The following CEBPZ variants were observed in gnomAD, a reference collection of about 807,000 sequenced individuals.
CEBPZ encodes CCAAT/enhancer-binding protein zeta.
In CEBPZ, 78 loss-of-function variants were observed where a neutral mutation model predicts 104.5. That is an observed-to-expected ratio of 0.75 (90% CI 0.62 to 0.90). The LOEUF (loss-of-function observed/expected upper bound fraction) is 0.90. CEBPZ is among the 40% of genes least tolerant of loss of function. The pLI is 0.00. For synonymous variants in CEBPZ, 470 were observed against 427.0 expected (o/e 1.10, Z -1.24); for missense variants, 1,439 against 1,233.5 (o/e 1.17, Z -2.50).
At chr2:37,224,242 C>T (rs1267736318) in intron 2 of CEBPZ, among the ~76,000 whole-genome samples, 1 of 152,192 alleles carries the variant, frequency 6.6e-6, no homozygotes, top group African/African-American at 2.4e-5. Flanking sequence ...CTGTAGGCTG[C>T]TCTACTTTGA....
chr2:37,216,354 C>T lies in CEBPZ; in HGVS notation c.2273G>A (p.Arg758Gln), dbSNP rs552370367. The T allele has an allele frequency of 1.9e-6, 3 of 1,613,758 alleles. No homozygotes were observed. The highest frequency in any genetic ancestry group is 1.3e-5 in the African/African-American group (1 of 75,000). ...GGGCTTTGGATTTCGGTATACAAAT[C>T]GATCCAAAAATCTCATTAGAGTGAA... ...QDFTLMRFLD[R>Q]FVYRNPKPHK... The change falls in exon 7 of 16, where the codon CGA becomes CAA. Residue 758 changes from arginine to glutamine, a missense_variant. Transcript: ENST00000234170.
chr2:37,210,717 G>A, intron 13 of CEBPZ: 1 of 304,950 alleles, frequency 3.3e-6, no homozygotes, highest in Non-Finnish European at 6.2e-6. Context: ...CACTACTAAA[G>A]AACTTACCTA....
At chr2:37,219,100 C>A (rs534015628) in intron 5 of CEBPZ, among the ~76,000 whole-genome samples, 1 of 152,238 alleles carries the variant, frequency 6.6e-6, no homozygotes, top group South Asian at 2.1e-4. Flanking sequence ...AATTTTATTG[C>A]TGACAACAAA....
chr2:37,217,376 G>A (rs1389120462), intron 5 of CEBPZ, among the ~76,000 whole-genome samples: 1 of 151,944 alleles, frequency 6.6e-6, no homozygotes, highest in African/African-American at 2.4e-5. Flanking sequence ...ACTCCAGCCT[G>A]GGTGACAGAG....
chr2:37,201,663 A>G lies in CEBPZ; in HGVS notation c.*101T>C, dbSNP rs1250810118. The G allele has an allele frequency of 6.5e-6, 5 of 771,602 alleles. No individual in the cohort carries two copies. The highest frequency in any genetic ancestry group is 6.0e-5 in the South Asian group (4 of 66,976). The allele number at this position is 771,602 out of a possible 1,614,324, so 47.8% of individuals were successfully genotyped here. ...ATAGTTTATTACAAATCCACTGAGAAGTCTGGAATGTATGGAATCAGAGAG... is the reference window on the plus strand; with the variant it reads ...ATAGTTTATTACAAATCCACTGAGAGGTCTGGAATGTATGGAATCAGAGAG... On this transcript the variant is annotated 3_prime_UTR_variant, in exon 16 of 16. Coordinates refer to ENST00000234170, the MANE Select transcript of CEBPZ (RefSeq NM_005760.3).
chr2:37,215,825 G>A (rs1677853367), intron 8 of CEBPZ, among the ~76,000 whole-genome samples: 2 of 152,100 alleles, frequency 1.3e-5, no homozygotes, highest in Admixed American at 6.6e-5. Context: ...ATACATAGGG[G>A]TTGTGGATGA....
intron 13 of CEBPZ, chr2:37,204,638 A>T (rs1677466114): frequency 6.6e-6 from 1 of 152,076 alleles, no homozygotes; most frequent in African/African-American, 2.4e-5. Flanking sequence ...AAGTTTCTAT[A>T]AGGTATGTTT....
intron 2 of CEBPZ, among the ~76,000 whole-genome samples, chr2:37,223,804 T>TTG (rs1664822559): frequency 3.3e-5 from 5 of 152,196 alleles, no homozygotes; most frequent in African/African-American, 1.2e-4. Context: ...CTTGTATAAC[T>TTG]ACCTACTAGC....
chr2:37,220,302 G>A (rs1452675624), intron 5 of CEBPZ, 83 bp downstream of exon 5: 2 of 352,702 alleles, frequency 5.7e-6, no homozygotes, highest in Non-Finnish European at 9.4e-6. Context: ...GGTGACAGAG[G>A]AAGACTCTGT....
chr2:37,212,107 C>G lies in CEBPZ; in HGVS notation c.2604-68G>C, dbSNP rs1032682181. On this transcript the variant is annotated intron_variant, in intron 11 of 15. Coordinates refer to ENST00000234170, the MANE Select transcript of CEBPZ (RefSeq NM_005760.3). ...TTCTAAAGTAGTGTTTTGCTGACTA[C>G]TAGGGCAGTAGGCTATTAAATGACT... 3.7e-6 allele frequency: 5 copies of G among 1,348,972 alleles called. No homozygotes were observed. In the African/African-American group the frequency reaches 7.3e-5, roughly 20 times the overall value. 83.6% of individuals were successfully genotyped at this position (1,348,972 alleles called of 1,614,324 possible).
chr2:37,204,863 T>C (rs549508361), intron 13 of CEBPZ: 11 of 152,206 alleles, frequency 7.2e-5, no homozygotes, highest in Admixed American at 1.3e-4. Flanking sequence ...TACTTTACTA[T>C]TTGAAACAAG....
chr2:37,218,455 T>C (rs1015330265), intron 5 of CEBPZ, among the ~76,000 whole-genome samples: 4 of 152,218 alleles, frequency 2.6e-5, no homozygotes, highest in Admixed American at 6.5e-5. Context: ...TAGAAAATAG[T>C]CTTTCACATA....
chr2:37,224,410 T>G (rs1664836209), intron 2 of CEBPZ, among the ~76,000 whole-genome samples: 1 of 152,226 alleles, frequency 6.6e-6, no homozygotes, highest in South Asian at 2.1e-4. Context: ...GTTTTAAGCA[T>G]TTCCATTAAT....
At chr2:37,213,263 G>C (rs2148350779) in intron 10 of CEBPZ, among the ~76,000 whole-genome samples, 2 of 152,184 alleles carry the variant, frequency 1.3e-5, no homozygotes, top group East Asian at 3.9e-4. Flanking sequence ...TAGTAAAAAG[G>C]ATTTCTTTTT....
chr2:37,213,854 A>C lies in CEBPZ; in HGVS notation c.2545+10T>G. 1 of 1,576,746 alleles carries C rather than the reference A, an allele frequency of 6.3e-7. No individual in the cohort carries two copies. Among genetic ancestry groups the C allele is most frequent in the Non-Finnish European group, 8.7e-7 (1 of 1,151,076 alleles). On this transcript the variant is annotated intron_variant, in intron 10 of 15. Transcript: ENST00000234170. Reference sequence around the variant, plus strand: ...AGATTATTTTACAAAGAGTCAACAAAACAAATTACCAATCAGCTCTTCAAA... The same window carrying C: ...AGATTATTTTACAAAGAGTCAACAACACAAATTACCAATCAGCTCTTCAAA...
intron 13 of CEBPZ, 197 bp from the exon 14 acceptor site, chr2:37,203,205 C>T (rs1349671274): frequency 9.9e-6 from 4 of 402,814 alleles, no homozygotes; most frequent in East Asian, 8.1e-5. Flanking sequence ...TAACAACATC[C>T]TAATAGAACT....
In CEBPZ at chr2:37,201,812, T is replaced by C. The variant is rs774084681; in HGVS notation, c.3117A>G (p.Lys1039=). ...TTTGAGTGGTTTTAATCCTCTTCTT[T>C]TTAAAATGTTTCTTTTTCTTGATGA... ...KSIIKKKKHF[K]KKRIKTTQKT... The change falls in exon 16 of 16, where the codon AAA becomes AAG. Residue 1039 remains lysine (K), a synonymous_variant. Transcript: ENST00000234170. 3 of 1,588,472 alleles carry C rather than the reference T, an allele frequency of 1.9e-6. No individual in the cohort carries two copies. The East Asian group carries it at 6.7e-5, about 35-fold the overall frequency.
In CEBPZ at chr2:37,231,518, C is replaced by A. The variant is rs759779786; in HGVS notation, c.50G>T (p.Arg17Leu). 6.2e-7 allele frequency: 1 copy of A among 1,614,120 alleles called. No homozygotes were observed. The highest frequency in any genetic ancestry group is 1.3e-5 in the African/African-American group (1 of 74,944). The change falls in exon 1 of 16, where the codon CGC (arginine) becomes CTC (leucine). Residue 17 changes from arginine (R) to leucine (L), a missense_variant. Arg to Leu is a moderately radical substitution (Grantham distance 102). Coordinates refer to ENST00000234170, the MANE Select transcript of CEBPZ (RefSeq NM_005760.3). ...CGGATCTTCTACTGCCTCCTCGGGG[C>A]GCCAAGGCCGCTTGGCATGGAACTC... ...PLEFHAKRPW[R>L]PEEAVEDPDE...
At chr2:37,210,919 G>A in intron 13 of CEBPZ, 80 bp downstream of exon 13, 2 of 850,542 alleles carry the variant, frequency 2.4e-6, no homozygotes, top group Non-Finnish European at 3.6e-6. Flanking sequence ...ATCAAATTTA[G>A]GAGAGTTCAT....
Sources: allele counts gnomAD v4.1 joint callset (sites outside exome capture counted in the v4.1 genomes callset), GRCh38; gene constraint gnomAD v4.1.1; transcripts MANE v1.5; gene names NCBI Gene and HGNC (gene_info 2026-07-23, HGNC 2026-07-21).